The following MAP9 variants were observed in gnomAD, a reference collection of about 807,000 sequenced individuals.
MAP9 encodes microtubule-associated protein 9.
Under a neutral mutation model 75.2 loss-of-function variants are expected in MAP9, and 80 were observed. The ratio of observed to expected loss-of-function variants is 1.06; its 90% CI spans 0.89 to 1.28. The LOEUF (loss-of-function observed/expected upper bound fraction) is 1.28. Among genes scored for constraint, MAP9 ranks in the 50% most tolerant of loss-of-function variants. MAP9 has a pLI of 0.00. For missense variants in MAP9, 753 were observed against 719.9 expected, an observed-to-expected ratio of 1.05 and a Z score of -0.53; for synonymous variants, 235 against 237.3, an observed-to-expected ratio of 0.99 and a Z score of 0.09.
chr4:155,353,687 TAATAA>T (rs1001732104), intron 10 of MAP9, among the ~76,000 whole-genome samples: 2 of 152,086 alleles, frequency 1.3e-5, no homozygotes, highest in Non-Finnish European at 2.9e-5. Context: ...AAAATTTTCA[TAATAA>T]AATATTTGAA....
rs553367130 is a variant in MAP9, at chr4:155,342,841, T to C, written c.*4942A>G. ...CCTGCTGAGTTTTCTGATATTGTAA[T>C]ACTAGATACAAGATGTCTGAATAAC... On this transcript the variant is annotated 3_prime_UTR_variant, in exon 14 of 14. Coordinates refer to ENST00000311277, the MANE Select transcript of MAP9 (RefSeq NM_001039580.2). 1.3e-5 allele frequency: 2 copies of C among 152,134 alleles called. No homozygotes were observed. Among genetic ancestry groups the C allele is most frequent in the South Asian group, 4.1e-4 (2 of 4,824 alleles). 9.4% of individuals were successfully genotyped at this position (152,134 alleles called of 1,614,324 possible).
intron 5 of MAP9, among the ~76,000 whole-genome samples, chr4:155,365,288 A>G (rs1445016733): frequency 6.6e-6 from 1 of 152,016 alleles, no homozygotes; most frequent in Non-Finnish European, 1.5e-5. Flanking sequence ...GAATATTACC[A>G]GAGGTAGAGA....
rs1321602601 is a variant in MAP9 at position 155,352,707 on chromosome 4, A to G, written c.1710T>C (p.Phe570=). The G allele has an allele frequency of 1.3e-6, 2 of 1,561,488 alleles. No individual in the cohort carries two copies. The highest frequency in any genetic ancestry group is 1.4e-5 in the African/African-American group (1 of 72,106). The change falls in exon 13 of 14, where the codon TTT becomes TTC. Residue 570 remains phenylalanine, a synonymous_variant. Transcript: ENST00000311277. ...TTTTTTCTTTTTCCTTTTGCTTGAA[A>G]AAAGCTTCCTTTTTTTCATTCCTAT... The part of the protein sequence containing the change: ...VEKWNEKKEA[F]FKQKEKEKIN...
chr4:155,372,349 C>T (rs2111285793), intron 4 of MAP9, among the ~76,000 whole-genome samples: 1 of 152,204 alleles, frequency 6.6e-6, no homozygotes, highest in African/African-American at 2.4e-5. Context: ...ACTAATAATT[C>T]CTTTATAAAA....
chr4:155,356,546 CT>C (rs1295131034), intron 8 of MAP9, among the ~76,000 whole-genome samples: 1 of 152,132 alleles, frequency 6.6e-6, no homozygotes, highest in Admixed American at 6.6e-5. Flanking sequence ...TATAATCACT[CT>C]TTTAATATTT....
chr4:155,360,374 A>G lies in MAP9; in HGVS notation c.844T>C (p.Ser282Pro). ...EITENHNSLK[S>P]DENKENSFSA... The stretch of plus-strand genomic sequence containing the variant: ...AATGAATTCTCTTTATTTTCATCTG[A>G]TTTCAAGGAATTATGGTTTTCAGTG... The change falls in exon 7 of 14, where the codon TCA becomes CCA. Residue 282 changes from serine to proline, a missense_variant. Transcript: ENST00000311277. 2 of 1,612,322 alleles carry G rather than the reference A, an allele frequency of 1.2e-6. No individual in the cohort carries two copies. Among genetic ancestry groups the G allele is most frequent in the Non-Finnish European group, 1.7e-6 (2 of 1,179,030 alleles).
Position 155,360,364 on chromosome 4 carries a change from T to C in MAP9, c.854A>G (p.Asn285Ser). ...GTCTGCTGAAAATGAATTCTCTTTA[T>C]TTTCATCTGATTTCAAGGAATTATG... ...ENHNSLKSDE[N>S]KENSFSADHV... The change falls in exon 7 of 14, where the codon AAT becomes AGT. Residue 285 changes from asparagine (N) to serine (S), a missense_variant. Physicochemically the swap from Asn to Ser is conservative, Grantham distance 46 (BLOSUM62 1). Transcript: ENST00000311277. 6.2e-7 allele frequency: 1 copy of C among 1,612,632 alleles called. No individual in the cohort carries two copies. The highest frequency in any genetic ancestry group is 8.5e-7 in the Non-Finnish European group (1 of 1,179,124).
Position 155,360,194 on chromosome 4 carries a change from A to C in MAP9, c.1024T>G (p.Ser342Ala). The change falls in exon 7 of 14, where the codon TCT (serine) becomes GCT (alanine). Residue 342 changes from serine to alanine, a missense_variant. Physicochemically the swap from Ser to Ala is moderately conservative, Grantham distance 99. Coordinates refer to ENST00000311277, the MANE Select transcript of MAP9 (RefSeq NM_001039580.2). ...TTTGAAGATGCTGTTGCACTGGTAG[A>C]TATTAAGATACTCTGAGATTTAGAT... Reference protein sequence around the residue: ...LLSKSQSILISTSATASSKKT... With the variant: ...LLSKSQSILIATSATASSKKT... 3.1e-6 allele frequency: 5 copies of C among 1,612,218 alleles called. No homozygotes were observed. Among genetic ancestry groups the C allele is most frequent in the Non-Finnish European group, 4.2e-6 (5 of 1,178,598 alleles).
chr4:155,351,990 A>C (rs1407822243), intron 13 of MAP9, among the ~76,000 whole-genome samples: 1 of 152,016 alleles, frequency 6.6e-6, no homozygotes, highest in Non-Finnish European at 1.5e-5. Flanking sequence ...TGATATTCTA[A>C]AATGGAAAAT....
At chr4:155,375,482 CTT>C (rs780117345) in intron 2 of MAP9, among the ~76,000 whole-genome samples, 4 of 151,764 alleles carry the variant, frequency 2.6e-5, no homozygotes, top group East Asian at 1.9e-4. Flanking sequence ...GAAAAAAAAA[CTT>C]AAACATTATG....
intron 11 of MAP9, 40 bp downstream of exon 11, chr4:155,353,139 A>C (rs753939130): frequency 6.5e-7 from 1 of 1,543,916 alleles, no homozygotes; most frequent in Non-Finnish European, 8.7e-7. Flanking sequence ...TTGGATTTCA[A>C]ATGTTTTAAA....
rs201165592 is a variant in MAP9 at position 155,353,378 on chromosome 4, A to G, written c.1381-38T>C. 2.1e-6 allele frequency: 3 copies of G among 1,458,096 alleles called. No homozygotes were observed. In the South Asian group the frequency reaches 4.5e-5, roughly 22 times the overall value. The allele number at this position is 1,458,096 out of a possible 1,614,324, so 90.3% of individuals were successfully genotyped here. A position where few individuals can be genotyped will look rare whatever the true frequency, so the allele number is the denominator to read the frequency against. ...AAATAATAGAGTGATATACATATAT[A>G]TGTATATATACATAGACACAAATAT... On this transcript the variant is annotated intron_variant, in intron 10 of 13. Transcript: ENST00000311277.
chr4:155,368,507 C>T, intron 5 of MAP9, 79 bp downstream of exon 5: 1 of 1,170,588 alleles, frequency 8.5e-7, no homozygotes, highest in Non-Finnish European at 1.3e-6. Context: ...CAAATTCATT[C>T]TCTCCTTCTC....
chr4:155,365,601 T>C (rs954838698), intron 5 of MAP9, among the ~76,000 whole-genome samples: 6 of 152,090 alleles, frequency 3.9e-5, no homozygotes, highest in African/African-American at 7.2e-5. Context: ...ACACTAAAGC[T>C]GGGCCATTTA....
Position 155,360,166 on chromosome 4 carries a change from A to T in MAP9, c.1050+2T>A. On this transcript the variant is annotated splice_donor_variant, in intron 7 of 13. Coordinates refer to ENST00000311277, the MANE Select transcript of MAP9 (RefSeq NM_001039580.2). LOFTEE classifies it high-confidence loss of function. ...ATGAAAAGTATGAATTTTTACAAAT[A>T]CCTTTGAAGATGCTGTTGCACTGGT... 6.2e-7 allele frequency: 1 copy of T among 1,604,530 alleles called. No individual in the cohort carries two copies. Among genetic ancestry groups the T allele is most frequent in the Non-Finnish European group, 8.5e-7 (1 of 1,173,188 alleles).
chr4:155,351,770 C>G (rs1313176368), intron 13 of MAP9, among the ~76,000 whole-genome samples: 1 of 151,676 alleles, frequency 6.6e-6, no homozygotes, highest in African/African-American at 2.4e-5. Context: ...CAAAAACAAC[C>G]TGGATGATTT....
chr4:155,345,268 T>TAA lies in MAP9; in HGVS notation c.*2514_*2515insTT, dbSNP rs1731242326. 6.6e-6 allele frequency: 1 copy of TAA among 152,002 alleles called. No individual in the cohort carries two copies. The highest frequency in any genetic ancestry group is 6.6e-5 in the Admixed American group (1 of 15,236). The allele number at this position is 152,002 out of a possible 1,614,324, so 9.4% of individuals were successfully genotyped here. On this transcript the variant is annotated 3_prime_UTR_variant, in exon 14 of 14. Transcript: ENST00000311277. ...ACTAGTTAATTTCAGTGCAGGTTGCTGTAAACAGGAAATAATATGTTATTT... is the reference window on the plus strand; with the variant it reads ...ACTAGTTAATTTCAGTGCAGGTTGCTAAGTAAACAGGAAATAATATGTTATTT...
In MAP9 at chr4:155,355,071, C is replaced by T; in HGVS notation, c.1380G>A (p.Gln460=). The change falls in exon 10 of 14, where the codon CAG becomes CAA. Residue 460 remains glutamine, a splice_region_variant and synonymous_variant. Transcript: ENST00000311277. ...TTTTTACTTCTATATGTCAGAATAC[C>T]TGTTCATTTTGGATCCTTAAGTTTT... ...ESENLRIQNE[Q]KKAAKREEAL... is the part of the protein sequence containing the mutation. 7.7e-7 allele frequency: 1 copy of T among 1,301,386 alleles called. No homozygotes were observed. Among genetic ancestry groups the T allele is most frequent in the Non-Finnish European group, 1.1e-6 (1 of 947,528 alleles). 80.6% of individuals were successfully genotyped at this position (1,301,386 alleles called of 1,614,324 possible). A position where few individuals can be genotyped will look rare whatever the true frequency, so the allele number is the denominator to read the frequency against.
At chr4:155,359,000 G>A (rs1402504595) in intron 7 of MAP9, among the ~76,000 whole-genome samples, 1 of 152,000 alleles carries the variant, frequency 6.6e-6, no homozygotes, top group Non-Finnish European at 1.5e-5. Flanking sequence ...CAATCTTTAT[G>A]GAAAATAGTT....
Sources: allele counts gnomAD v4.1 joint callset (sites outside exome capture counted in the v4.1 genomes callset), GRCh38; gene constraint gnomAD v4.1.1; transcripts MANE v1.5; gene names NCBI Gene and HGNC (gene_info 2026-07-23, HGNC 2026-07-21).